Variants in PACSIN2 observed in about 807,000 individuals in gnomAD.
The protein encoded by PACSIN2 is protein kinase C and casein kinase substrate in neurons protein 2.
A neutral mutation model predicts 63.8 loss-of-function variants in PACSIN2; 25 were observed. The observed-to-expected ratio is 0.39, with a 90% CI of 0.29 to 0.55. The LOEUF (loss-of-function observed/expected upper bound fraction) is 0.55. PACSIN2 is among the 20% of genes least tolerant of loss of function. PACSIN2 has a pLI of 0.62. For missense variants in PACSIN2, 518 were observed against 646.9 expected (o/e 0.80, Z 2.16); for synonymous variants, 255 against 256.2 (o/e 1.00, Z 0.05).
At chr22:42,984,808 C>T (rs1922492594) in intron 1 of PACSIN2, among the ~76,000 whole-genome samples, 1 of 152,158 alleles carries the variant, frequency 6.6e-6, no homozygotes, top group African/African-American at 2.4e-5. Flanking sequence ...ACAGGTCTTC[C>T]TTCTCAGCAC....
chr22:42,993,020 G>A (rs1923148641), intron 1 of PACSIN2, among the ~76,000 whole-genome samples: 1 of 152,022 alleles, frequency 6.6e-6, no homozygotes, highest in Admixed American at 6.6e-5. Context: ...AAAAAAATTG[G>A]CCGGGCATGG....
intron 1 of PACSIN2, among the ~76,000 whole-genome samples, chr22:42,917,288 A>G (rs1931875639): frequency 6.6e-6 from 1 of 152,188 alleles, no homozygotes; most frequent in East Asian, 1.9e-4. Flanking sequence ...GCTGAGTTCA[A>G]ATCTTCTAGA....
At chr22:42,960,166 T>C (rs146667025) in intron 1 of PACSIN2, among the ~76,000 whole-genome samples, 4 of 152,316 alleles carry the variant, frequency 2.6e-5, no homozygotes, top group Non-Finnish European at 5.9e-5. Context: ...ACTTACACCA[T>C]ACATGAGTCT....
chr22:42,933,798 G>C (rs1932832475), intron 1 of PACSIN2, among the ~76,000 whole-genome samples: 1 of 152,228 alleles, frequency 6.6e-6, no homozygotes, highest in Non-Finnish European at 1.5e-5. Context: ...TGCAGCTGGA[G>C]AAACATTCTT....
At chr22:42,891,586 G>A (rs1037863051) in intron 3 of PACSIN2, among the ~76,000 whole-genome samples, 5 of 152,132 alleles carry the variant, frequency 3.3e-5, no homozygotes, top group Admixed American at 6.5e-5. Flanking sequence ...ATTTTTAGTA[G>A]AGACGGGGTT....
intron 1 of PACSIN2, among the ~76,000 whole-genome samples, chr22:42,950,088 A>T (rs1933614058): frequency 1.3e-5 from 2 of 152,170 alleles, no homozygotes; most frequent in African/African-American, 4.8e-5. Context: ...TATACGGGGG[A>T]AAGAAGTGGG....
chr22:42,936,275 C>T (rs952712164), intron 1 of PACSIN2, among the ~76,000 whole-genome samples: 2 of 152,052 alleles, frequency 1.3e-5, no homozygotes, highest in Non-Finnish European at 2.9e-5. Flanking sequence ...ACAATGCACA[C>T]CCTGTGACTT....
chr22:43,000,523 T>C (rs912338908), intron 1 of PACSIN2, among the ~76,000 whole-genome samples: 1 of 152,202 alleles, frequency 6.6e-6, no homozygotes, highest in Non-Finnish European at 1.5e-5. Context: ...TGTTAAACTA[T>C]TTCTAAATTT....
At chr22:42,893,675 C>A in intron 2 of PACSIN2, 62 bp from the exon 3 acceptor site, 2 of 1,552,000 alleles carry the variant, frequency 1.3e-6, no homozygotes, top group Non-Finnish European at 8.8e-7. Context: ...GGCTGTGGCA[C>A]AAATGGCCTC....
intron 6 of PACSIN2, among the ~76,000 whole-genome samples, chr22:42,882,948 TC>T (rs1929190969): frequency 3.9e-5 from 6 of 152,180 alleles, no homozygotes; most frequent in Admixed American, 3.9e-4. Flanking sequence ...CATGATCCCC[TC>T]CATCAAGGGT....
intron 1 of PACSIN2, among the ~76,000 whole-genome samples, chr22:42,975,457 A>AATATATATATAT (rs57140073): frequency 0.15 from 20,587 of 140,316 alleles, 2,066 homozygotes; most frequent in East Asian, 0.5. Context: ...AATATATACA[A>AATATATATATAT]ATATATATAT....
intron 1 of PACSIN2, among the ~76,000 whole-genome samples, chr22:43,012,200 TACAA>T (rs1555951152): frequency 1.6e-3 from 168 of 101,898 alleles, no homozygotes; most frequent in African/African-American, 4.0e-3. Flanking sequence ...CATACATACA[TACAA>T]ACATACAAAA....
intron 1 of PACSIN2, among the ~76,000 whole-genome samples, chr22:42,987,417 G>GGTT (rs1922693171): frequency 6.9e-6 from 1 of 144,220 alleles, no homozygotes; most frequent in Admixed American, 7.2e-5. Context: ...CCCAGCATGT[G>GGTT]GTTTGAGACA....
intron 10 of PACSIN2, among the ~76,000 whole-genome samples, chr22:42,874,567 T>G (rs1928439531): frequency 6.6e-6 from 1 of 152,232 alleles, no homozygotes; most frequent in South Asian, 2.1e-4. Context: ...CCCAGGGGCA[T>G]GCCAAGTGCT....
chr22:43,008,401 C>T (rs1006494616), intron 1 of PACSIN2, among the ~76,000 whole-genome samples: 4 of 152,136 alleles, frequency 2.6e-5, no homozygotes, highest in African/African-American at 9.7e-5. Context: ...CAGGCACGCA[C>T]CACCATGACC....
At chr22:42,972,716 C>T (rs1254758107) in intron 1 of PACSIN2, among the ~76,000 whole-genome samples, 1 of 152,108 alleles carries the variant, frequency 6.6e-6, no homozygotes, top group East Asian at 1.9e-4. Context: ...CAGTCTACTG[C>T]CTCACTCTAA....
chr22:42,986,309 G>A (rs147649050), intron 1 of PACSIN2, among the ~76,000 whole-genome samples: 135 of 152,334 alleles, frequency 8.9e-4, no homozygotes, highest in African/African-American at 3.2e-3. Flanking sequence ...TGGTCAGCGA[G>A]TCTGGTAAGC....
intron 1 of PACSIN2, among the ~76,000 whole-genome samples, chr22:42,944,200 G>T (rs1933304912): frequency 6.6e-6 from 1 of 152,186 alleles, no homozygotes; most frequent in African/African-American, 2.4e-5. Flanking sequence ...TGGCCTGAGG[G>T]ACTCTGTGGA....
chr22:42,892,310 A>C (rs1445169645), intron 3 of PACSIN2, among the ~76,000 whole-genome samples: 2 of 151,998 alleles, frequency 1.3e-5, no homozygotes, highest in African/African-American at 4.8e-5. Context: ...GTCATGACAG[A>C]GGTGGGCTGA....
Sources: gnomAD v4.1 joint callset for allele counts (sites outside exome capture counted in the v4.1 genomes callset) on GRCh38, gnomAD v4.1.1 for gene constraint, MANE v1.5 for transcripts, NCBI Gene and HGNC (gene_info 2026-07-23, HGNC 2026-07-21) for gene names.